The following MAPT variants were observed in gnomAD, a reference collection of about 807,000 sequenced individuals.
MAPT encodes the protein microtubule-associated protein tau.
MAPT carries 34 observed loss-of-function variants against 67.9 expected under a neutral mutation model. The observed-to-expected ratio is 0.50, with a 90% CI of 0.38 to 0.67. The LOEUF (loss-of-function observed/expected upper bound fraction) is 0.67. MAPT is among the 30% of genes least tolerant of loss of function. The pLI, the probability that MAPT is intolerant of heterozygous loss-of-function variation, is 0.00. For missense variants in MAPT, 881 were observed against 1,115.2 expected (o/e 0.79, Z 2.99); for synonymous variants, 456 against 464.5 (o/e 0.98, Z 0.23).
In MAPT at chr17:45,983,716, C is replaced by T. The variant is rs142283842; in HGVS notation, c.1137C>T (p.His379=). The change falls in exon 5 of 13, where the codon CAC becomes CAT. Residue 379 remains histidine, a synonymous_variant. Coordinates refer to ENST00000262410, the MANE Select transcript of MAPT (RefSeq NM_001377265.1). ...GQDAPLEFTF[H]VEITPNVQKE... ...ATGCCCCCCTGGAGTTCACGTTTCA[C>T]GTGGAAATCACACCCAACGTGCAGA... The T allele has an allele frequency of 9.4e-5, 152 of 1,614,054 alleles. No homozygotes were observed. Among genetic ancestry groups the T allele is most frequent in the Non-Finnish European group, 1.2e-4 (137 of 1,180,032 alleles).
At chr17:46,016,793 A>C (rs930283433) in intron 11 of MAPT, among the ~76,000 whole-genome samples, 3 of 152,058 alleles carry the variant, frequency 2.0e-5, no homozygotes, top group African/African-American at 7.2e-5. Flanking sequence ...GAAAGAAAGA[A>C]ATCAGTGCTG....
At chr17:45,930,888 G>A (rs2066793650) in intron 1 of MAPT, among the ~76,000 whole-genome samples, 1 of 152,280 alleles carries the variant, frequency 6.6e-6, no homozygotes. Flanking sequence ...TGCAAGGGCC[G>A]GCCTCTGTTT....
chr17:45,996,290 C>A lies in MAPT; in HGVS notation c.1733-109C>A. 7.8e-7 allele frequency: 1 copy of A among 1,279,910 alleles called. No individual in the cohort carries two copies. The highest frequency in any genetic ancestry group is 1.1e-6 in the Non-Finnish European group (1 of 892,858). 79.3% of individuals were successfully genotyped at this position (1,279,910 alleles called of 1,614,324 possible). On this transcript the variant is annotated intron_variant, in intron 8 of 12. Coordinates refer to ENST00000262410, the MANE Select transcript of MAPT (RefSeq NM_001377265.1). This position sits in a 1 kb window ranked among gnomAD's most constrained non-coding sequence, Gnocchi z 4.5. Reference sequence around the variant, plus strand: ...CGCTTCCAACCTGGCTTCCACCTGCCTAACCCAGTGGTGAGCCTGGGAATG... The same window carrying A: ...CGCTTCCAACCTGGCTTCCACCTGCATAACCCAGTGGTGAGCCTGGGAATG...
intron 2 of MAPT, among the ~76,000 whole-genome samples, chr17:45,966,293 A>AT (rs2071073238): frequency 6.6e-6 from 1 of 152,198 alleles, no homozygotes; most frequent in African/African-American, 2.4e-5. Context: ...TTCGTTTAAA[A>AT]TTAACTCCAG....
intron 1 of MAPT, among the ~76,000 whole-genome samples, chr17:45,944,490 G>T (rs981318222): frequency 6.6e-6 from 1 of 152,174 alleles, no homozygotes; most frequent in Non-Finnish European, 1.5e-5. Context: ...GGATAGATGC[G>T]CAAGTGGCAT....
chr17:45,903,363 T>C (rs978415547), intron 1 of MAPT, among the ~76,000 whole-genome samples: 4 of 152,138 alleles, frequency 2.6e-5, no homozygotes, highest in African/African-American at 9.7e-5. Flanking sequence ...AACTATTGTC[T>C]TGCCTCATCC....
chr17:45,951,340 C>G (rs757204284), intron 1 of MAPT, among the ~76,000 whole-genome samples: 1 of 152,154 alleles, frequency 6.6e-6, no homozygotes, highest in Non-Finnish European at 1.5e-5. Flanking sequence ...CATTTTAAAT[C>G]GTTCTTTACG....
In MAPT at chr17:46,010,387, C is replaced by T; in HGVS notation, c.2076C>T (p.Val692=). The change falls in exon 10 of 13, where the codon GTC becomes GTT. Residue 692 remains valine (V), a synonymous_variant. Coordinates refer to ENST00000262410, the MANE Select transcript of MAPT (RefSeq NM_001377265.1). The surrounding 1 kb of genome is among the most constrained non-coding windows in gnomAD (Gnocchi z 4.7). ...KCGSKDNIKH[V]PGGGSVQIVY... ...GCTCAAAGGATAATATCAAACACGTCCCGGGAGGCGGCAGTGTGAGTACCT... is the reference window on the plus strand; with the variant it reads ...GCTCAAAGGATAATATCAAACACGTTCCGGGAGGCGGCAGTGTGAGTACCT... The T allele has an allele frequency of 6.3e-7, 1 of 1,576,090 alleles. No individual in the cohort carries two copies. Among genetic ancestry groups the T allele is most frequent in the Non-Finnish European group, 8.6e-7 (1 of 1,159,626 alleles).
intron 12 of MAPT, among the ~76,000 whole-genome samples, chr17:46,022,492 C>G (rs1190896891): frequency 3.3e-5 from 5 of 152,000 alleles, no homozygotes; most frequent in African/African-American, 1.2e-4. Flanking sequence ...CCATTCAAGC[C>G]CCTGCAATAG....
chr17:45,956,111 T>C (rs553753098), intron 1 of MAPT, among the ~76,000 whole-genome samples: 1 of 152,318 alleles, frequency 6.6e-6, no homozygotes, highest in East Asian at 1.9e-4. Flanking sequence ...AGGGTCTACT[T>C]AGAGTTAGTG....
intron 1 of MAPT, among the ~76,000 whole-genome samples, chr17:45,919,631 G>A (rs2065509069): frequency 6.6e-6 from 1 of 152,256 alleles, no homozygotes; most frequent in Admixed American, 6.5e-5. Flanking sequence ...AACGGGTTGG[G>A]GCGCAGTGGC....
At chr17:46,000,346 G>A (rs2074893660) in intron 9 of MAPT, among the ~76,000 whole-genome samples, 1 of 152,134 alleles carries the variant, frequency 6.6e-6, no homozygotes, top group African/African-American at 2.4e-5. Flanking sequence ...AACATAGATT[G>A]CTTTGGGGCC....
chr17:45,978,722 AG>A, intron 4 of MAPT: 1 of 462,518 alleles, frequency 2.2e-6, no homozygotes, highest in South Asian at 3.1e-5. Flanking sequence ...CAGAAACTCT[AG>A]GCCGGGCCTG....
chr17:45,948,633 G>A (rs928859850), intron 1 of MAPT, among the ~76,000 whole-genome samples: 22 of 152,176 alleles, frequency 1.4e-4, no homozygotes, highest in African/African-American at 5.3e-4. Context: ...TCTGGGTTTT[G>A]AAGCCTGGCT....
chr17:45,976,010 G>T (rs1465215340), intron 3 of MAPT: 1 of 152,256 alleles, frequency 6.6e-6, no homozygotes, highest in Non-Finnish European at 1.5e-5. Flanking sequence ...CTGGATTCTG[G>T]TGGCCATGTC....
At chr17:45,903,757 T>TA (rs1368557347) in intron 1 of MAPT, among the ~76,000 whole-genome samples, 497 of 41,562 alleles carry the variant, frequency 0.012, 36 homozygotes, top group African/African-American at 0.019. Context: ...TTATATATAT[T>TA]TTTTTTATAT....
Position 45,938,810 on chromosome 17 carries a change from A to ATTTT in MAPT, c.-17-23493_-17-23490dup, listed in dbSNP as rs368157488. Among the ~76,000 whole-genome samples, 97 of 118,052 alleles carry ATTTT rather than the reference A, an allele frequency of 8.2e-4. 4 individuals carry two copies. Among genetic ancestry groups the ATTTT allele is most frequent in the Non-Finnish European group, 9.7e-4 (57 of 58,988 alleles). 77.4% of individuals were successfully genotyped at this position (118,052 alleles called of 152,430 possible). A position where few individuals can be genotyped will look rare whatever the true frequency, so the allele number is the denominator to read the frequency against. On this transcript the variant is annotated intron_variant, in intron 1 of 12. Transcript: ENST00000262410. ...AGGGGTGAGCCCCCATGCCCAGCTAATTTTTTTTTTTTTTTTTTTTTGAGA... is the reference window on the plus strand; with the variant it reads ...AGGGGTGAGCCCCCATGCCCAGCTAATTTTTTTTTTTTTTTTTTTTTTTTTGAGA...
At chr17:45,950,179 A>G (rs1318504508) in intron 1 of MAPT, among the ~76,000 whole-genome samples, 3 of 152,206 alleles carry the variant, frequency 2.0e-5, no homozygotes, top group Non-Finnish European at 4.4e-5. Flanking sequence ...CTCACAGGTT[A>G]CAGTGAGCCT....
intron 10 of MAPT, among the ~76,000 whole-genome samples, chr17:46,012,855 C>T (rs1331771019): frequency 6.6e-6 from 1 of 151,732 alleles, no homozygotes; most frequent in East Asian, 1.9e-4. Context: ...CGGCCCTGGT[C>T]CACCCCCTCA....
Sources: gnomAD v4.1 joint callset for allele counts (sites outside exome capture counted in the v4.1 genomes callset) on GRCh38, gnomAD v4.1.1 for gene constraint, Gnocchi (gnomAD v3.1) non-coding constraint, MANE v1.5 for transcripts, NCBI Gene and HGNC (gene_info 2026-07-23, HGNC 2026-07-21) for gene names.